The following LRIF1 variants were observed in gnomAD, a reference collection of about 807,000 sequenced individuals.
The protein encoded by LRIF1 is ligand-dependent nuclear receptor-interacting factor 1.
In LRIF1, 32 loss-of-function variants were observed where a neutral mutation model predicts 52.7. The observed-to-expected ratio is 0.61, with a 90% confidence interval of 0.46 to 0.82. LRIF1 has a LOEUF of 0.82. Ranked by LOEUF, LRIF1 falls within the 40% of genes least tolerant of loss-of-function variation. The pLI is 0.00. For missense variants in LRIF1, 887 were observed against 892.0 expected (o/e 0.99, Z 0.07); for synonymous variants, 323 against 317.4 (o/e 1.02, Z -0.19).
chr1:110,920,914 T>C, the LRIF1 span, among the ~76,000 whole-genome samples: 1 of 152,110 alleles, frequency 6.6e-6, no homozygotes, highest in Non-Finnish European at 1.5e-5. Flanking sequence ...AGTGGGAGAA[T>C]TTACGACCAG....
intron 1 of LRIF1, among the ~76,000 whole-genome samples, chr1:110,954,772 T>C (rs1176086475): frequency 6.6e-6 from 1 of 152,234 alleles, no homozygotes; most frequent in Non-Finnish European, 1.5e-5. Context: ...TGGCCCACTC[T>C]GTTTCTGTGC....
At chr1:110,933,564 C>T in the LRIF1 span, among the ~76,000 whole-genome samples, 3 of 152,090 alleles carry the variant, frequency 2.0e-5, no homozygotes, top group Admixed American at 6.5e-5. Context: ...ACAGCAATTG[C>T]GGGGCATTGA....
chr1:110,892,688 T>C, the LRIF1 span: 5 of 656,360 alleles, frequency 7.6e-6, no homozygotes, highest in Non-Finnish European at 1.3e-5. Context: ...AGACCAATAG[T>C]ATATTATGTA....
rs1251863536 is a variant in LRIF1 at position 110,952,447 on chromosome 1, G to A, written c.437C>T (p.Thr146Ile). 6.2e-7 allele frequency: 1 copy of A among 1,611,528 alleles called. No individual in the cohort carries two copies. The highest frequency in any genetic ancestry group is 2.2e-5 in the East Asian group (1 of 44,782). Residue 146 changes from threonine to isoleucine, a missense_variant, in exon 2 of 4, where the codon ACC (threonine) becomes ATC (isoleucine). Thr to Ile is a moderately conservative substitution (Grantham distance 89). Coordinates refer to ENST00000369763, the MANE Select transcript of LRIF1 (RefSeq NM_018372.4). Reference sequence around the variant, plus strand: ...GGGAGGAACAGCAAATGTTTGCATGGTGAGTCCATCAATTTTCACACCATG... The same window carrying A: ...GGGAGGAACAGCAAATGTTTGCATGATGAGTCCATCAATTTTCACACCATG... ...QSHGVKIDGLTMQTFAVPPST... is the reference protein window; with the variant it reads ...QSHGVKIDGLIMQTFAVPPST...
chr1:110,948,364 A>G lies in LRIF1; in HGVS notation c.1905T>C (p.Asn635=), dbSNP rs769846738. 5.0e-6 allele frequency: 8 copies of G among 1,612,746 alleles called. No individual in the cohort carries two copies. In the African/African-American group the frequency reaches 6.7e-5, roughly 13 times the overall value. Residue 635 remains asparagine (N), a synonymous_variant, in exon 4 of 4, where the codon AAT becomes AAC. Coordinates refer to ENST00000369763, the MANE Select transcript of LRIF1 (RefSeq NM_018372.4). ...NFDKKRKAKT[N]KKMDHIKKRK... is the part of the protein sequence containing the mutation. ...TCTTCTTTATGTGATCCATCTTCTT[A>G]TTAGTTTTTGCTTTTCTTTTCTTAT... is the stretch of plus-strand genomic sequence containing the variant.
At chr1:110,944,669 G>C (rs1005180169), downstream of LRIF1, 14 of 152,064 alleles carry the variant, frequency 9.2e-5, no homozygotes, top group African/African-American at 3.4e-4. Context: ...AAGGAGAAAA[G>C]GAGTCAGGAC....
chr1:110,934,504 C>G, the LRIF1 span, among the ~76,000 whole-genome samples: 4 of 152,308 alleles, frequency 2.6e-5, no homozygotes, highest in East Asian at 7.7e-4. Flanking sequence ...AGATTCACCA[C>G]AGCTAACTGA....
At chr1:110,902,601 A>T in the LRIF1 span, among the ~76,000 whole-genome samples, 2 of 152,100 alleles carry the variant, frequency 1.3e-5, no homozygotes, top group Admixed American at 6.5e-5. Context: ...GTGATCTCGG[A>T]ACGTCTGAAA....
the LRIF1 span, among the ~76,000 whole-genome samples, chr1:110,935,575 A>G: frequency 0.99 from 150,488 of 152,340 alleles, 74,354 homozygotes; most frequent in Middle Eastern, 1. Flanking sequence ...ATGCATCAGA[A>G]TATTTTAATA....
At chr1:110,911,272 T>A in the LRIF1 span, among the ~76,000 whole-genome samples, 1 of 151,964 alleles carries the variant, frequency 6.6e-6, no homozygotes, top group African/African-American at 2.4e-5. Context: ...CTTAGAAGCA[T>A]ACAACCTCCC....
the LRIF1 span, among the ~76,000 whole-genome samples, chr1:110,896,463 G>A: frequency 6.6e-6 from 1 of 152,154 alleles, no homozygotes; most frequent in Non-Finnish European, 1.5e-5. Context: ...ACTCCACAGG[G>A]ATCTTATGTG....
At chr1:110,920,513 T>C in the LRIF1 span, among the ~76,000 whole-genome samples, 1 of 152,226 alleles carries the variant, frequency 6.6e-6, no homozygotes, top group Non-Finnish European at 1.5e-5. Flanking sequence ...GGATCAGTAG[T>C]TACCAGGGGT....
the LRIF1 span, among the ~76,000 whole-genome samples, chr1:110,888,536 A>AT: frequency 6.6e-6 from 1 of 152,058 alleles, no homozygotes; most frequent in African/African-American, 2.4e-5. Flanking sequence ...TATAGTCTAC[A>AT]TTTTTTAGCT....
the LRIF1 span, chr1:110,894,958 A>G: frequency 6.2e-7 from 1 of 1,612,822 alleles, no homozygotes; most frequent in East Asian, 2.2e-5. Flanking sequence ...GTGCCTGCCC[A>G]GCTGAATGAG....
chr1:110,879,634 T>C, the LRIF1 span, among the ~76,000 whole-genome samples: 1 of 152,206 alleles, frequency 6.6e-6, no homozygotes, highest in East Asian at 1.9e-4. Context: ...ATGGTCTATG[T>C]AGCACCAAAG....
chr1:110,875,000 T>C, the LRIF1 span, among the ~76,000 whole-genome samples: 6 of 152,168 alleles, frequency 3.9e-5, no homozygotes, highest in African/African-American at 1.4e-4. Flanking sequence ...GTCACAGCAA[T>C]ATACAAATAC....
At chr1:110,925,525 AC>A in the LRIF1 span, among the ~76,000 whole-genome samples, 4 of 152,330 alleles carry the variant, frequency 2.6e-5, no homozygotes, top group African/African-American at 9.6e-5. Flanking sequence ...TTACAAAAAA[AC>A]ATACAACAAA....
In LRIF1 at chr1:110,947,727, T is replaced by C. The variant is rs1286941953; in HGVS notation, c.*232A>G. The C allele has an allele frequency of 2.7e-6, 1 of 372,054 alleles. No individual in the cohort carries two copies. The highest frequency in any genetic ancestry group is 4.6e-6 in the Non-Finnish European group (1 of 216,436). The allele number at this position is 372,054 out of a possible 1,614,324, so 23.0% of individuals were successfully genotyped here. ...GTTAAAATAATAGAAAAATATAAAA[T>C]TTATCCTTCCAAAAAAAGGTATCTA... On this transcript the variant is annotated 3_prime_UTR_variant, in exon 4 of 4. Transcript: ENST00000369763.
chr1:110,956,923 C>A lies in LRIF1; in HGVS notation c.69-4108G>T, dbSNP rs566039373. 5.3e-5 allele frequency among the ~76,000 whole-genome samples: 8 copies of A among 152,158 alleles called. No homozygotes were observed. The East Asian group carries it at 1.5e-3, about 29-fold the overall frequency. ...ACTAAAACTTCATTCTCAAAGATTA[C>A]CAAATATGTTCTCACAGTTAAATTT... On this transcript the variant is annotated intron_variant, in intron 1 of 3. Transcript: ENST00000369763.
Sources: allele counts gnomAD v4.1 joint callset (sites outside exome capture counted in the v4.1 genomes callset), GRCh38; gene constraint gnomAD v4.1.1; transcripts MANE v1.5; gene names NCBI Gene and HGNC (gene_info 2026-07-23, HGNC 2026-07-21).